Variants in ACOT12 observed in about 807,000 individuals in gnomAD.
ACOT12 encodes acetyl-coenzyme A thioesterase.
Under a neutral mutation model 67.7 loss-of-function variants are expected in ACOT12, and 51 were observed. The observed-to-expected ratio is 0.75, with a 90% confidence interval of 0.60 to 0.95. ACOT12 has a LOEUF of 0.95. Ranked by LOEUF, ACOT12 falls within the 40% of genes least tolerant of loss-of-function variation. The pLI is 0.00. For synonymous variants in ACOT12, 251 were observed against 244.6 expected (o/e 1.03, Z -0.24); for missense variants, 734 against 708.1 (o/e 1.04, Z -0.41).
intron 5 of ACOT12, among the ~76,000 whole-genome samples, chr5:81,358,357 G>T (rs75866137): frequency 6.6e-6 from 1 of 152,118 alleles, no homozygotes. Context: ...GAGACAGCAG[G>T]GTTTTGTTTT....
At chr5:81,338,495 C>T (rs1271755122) in intron 11 of ACOT12, among the ~76,000 whole-genome samples, 2 of 152,188 alleles carry the variant, frequency 1.3e-5, no homozygotes, top group South Asian at 2.1e-4. Context: ...CCTTCTGCCA[C>T]GATTGTAAGT....
Position 81,363,849 on chromosome 5 carries a change from A to C in ACOT12, c.299T>G (p.Ile100Ser). 6.2e-7 allele frequency: 1 copy of C among 1,612,320 alleles called. No homozygotes were observed. The highest frequency in any genetic ancestry group is 8.5e-7 in the Non-Finnish European group (1 of 1,179,372). Residue 100 changes from isoleucine (I) to serine (S), a missense_variant, in exon 4 of 15, where the codon ATT (isoleucine) becomes AGT (serine). Physicochemically the swap from Ile to Ser is moderately radical, Grantham distance 142. Coordinates refer to ENST00000307624, the MANE Select transcript of ACOT12 (RefSeq NM_130767.3). ...KVMVQDMLTGIEKLVSVAFST... is the reference protein window; with the variant it reads ...KVMVQDMLTGSEKLVSVAFST... ...GAAAGCCACACTAACAAGCTTCTCA[A>C]TGCCAGTGAGCATATCCTGTACCAT...
intron 9 of ACOT12, 24 bp from the exon 10 acceptor site, chr5:81,343,905 A>G: frequency 8.7e-6 from 14 of 1,602,506 alleles, no homozygotes; most frequent in Non-Finnish European, 1.2e-5. Flanking sequence ...TTAAAGTGTT[A>G]AATGACAGTT....
chr5:81,382,532 C>T (rs1435949635), intron 2 of ACOT12, among the ~76,000 whole-genome samples: 1 of 152,172 alleles, frequency 6.6e-6, no homozygotes, highest in African/African-American at 2.4e-5. Flanking sequence ...CGCAGTGGCT[C>T]ATGCCTGTAA....
In ACOT12 at chr5:81,346,127, T is replaced by C; in HGVS notation, c.654-123A>G. Reference sequence around the variant, plus strand: ...TTGACTGAAATAAATAACTGGATTATGTGGGTTGAGGGTAGGTCTGCACGC... The same window carrying C: ...TTGACTGAAATAAATAACTGGATTACGTGGGTTGAGGGTAGGTCTGCACGC... On this transcript the variant is annotated intron_variant, in intron 6 of 14. Transcript: ENST00000307624. 3 of 1,442,974 alleles carry C rather than the reference T, an allele frequency of 2.1e-6. No homozygotes were observed. The South Asian group carries it at 4.1e-5, about 20-fold the overall frequency. The allele number at this position is 1,442,974 out of a possible 1,614,324, so 89.4% of individuals were successfully genotyped here.
rs370155391 is a variant in ACOT12, at chr5:81,371,762, G to A, written c.246C>T (p.Ser82=). The A allele has an allele frequency of 7.4e-5, 120 of 1,614,114 alleles. No homozygotes were observed. The African/African-American group carries it at 1.0e-3, about 14-fold the overall frequency. ...TIKAKVTRAF[S]TSMEISIKVM... Reference sequence around the variant, plus strand: ...AGGTGCCTCTTACCTCCATGCTTGTGCTGAATGCTCTAGTAACTTTTGCTT... The same window carrying A: ...AGGTGCCTCTTACCTCCATGCTTGTACTGAATGCTCTAGTAACTTTTGCTT... Residue 82 remains serine (S), a synonymous_variant, in exon 3 of 15, where the codon AGC becomes AGT. Transcript: ENST00000307624.
chr5:81,393,836 G>A (rs924492034), intron 1 of ACOT12, 152 bp downstream of exon 1: 11 of 805,576 alleles, frequency 1.4e-5, no homozygotes, highest in Non-Finnish European at 1.8e-5. Flanking sequence ...TGCCCAGCGC[G>A]GGCGCACTGT....
chr5:81,364,962 A>G (rs1243905605), intron 3 of ACOT12, among the ~76,000 whole-genome samples: 2 of 152,050 alleles, frequency 1.3e-5, no homozygotes, highest in Non-Finnish European at 2.9e-5. Context: ...TGCATCATGT[A>G]TTTACAGCTT....
At chr5:81,345,177 G>T in intron 7 of ACOT12, 136 bp from the exon 8 acceptor site, 2 of 1,197,736 alleles carry the variant, frequency 1.7e-6, no homozygotes, top group South Asian at 1.6e-5. Context: ...GGGTTTTCTT[G>T]TTTGTTATCA....
chr5:81,331,552 C>T (rs1758829109), intron 13 of ACOT12, among the ~76,000 whole-genome samples: 1 of 152,086 alleles, frequency 6.6e-6, no homozygotes, highest in Non-Finnish European at 1.5e-5. Flanking sequence ...AAAAACAATA[C>T]CCATTGTTGT....
chr5:81,329,688 C>T (rs531298515), downstream of ACOT12, among the ~76,000 whole-genome samples: 3 of 152,236 alleles, frequency 2.0e-5, no homozygotes, highest in South Asian at 2.1e-4. Context: ...TTGAAGTCTA[C>T]GGAATAAAGT....
chr5:81,353,367 C>T (rs997324534), intron 5 of ACOT12, among the ~76,000 whole-genome samples: 7 of 152,206 alleles, frequency 4.6e-5, no homozygotes, highest in African/African-American at 1.7e-4. Flanking sequence ...GTAAACAGAA[C>T]TCACCCTTTC....
chr5:81,362,163 C>CTT (rs529301882), intron 4 of ACOT12, among the ~76,000 whole-genome samples: 4 of 131,638 alleles, frequency 3.0e-5, no homozygotes, highest in African/African-American at 5.8e-5. Flanking sequence ...CTATTATATT[C>CTT]TTTTTTTTTT....
At chr5:81,355,936 T>A (rs1172653436) in intron 5 of ACOT12, among the ~76,000 whole-genome samples, 1 of 152,200 alleles carries the variant, frequency 6.6e-6, no homozygotes, top group Non-Finnish European at 1.5e-5. Flanking sequence ...GGCTCTGAAC[T>A]AGCCAAGCTG....
intron 2 of ACOT12, among the ~76,000 whole-genome samples, chr5:81,373,847 G>GA (rs1350254498): frequency 6.6e-6 from 1 of 152,086 alleles, no homozygotes; most frequent in African/African-American, 2.4e-5. Context: ...GGGCATCTCT[G>GA]AAAAAAAGGC....
At chr5:81,385,541 C>G (rs1218398160) in intron 2 of ACOT12, among the ~76,000 whole-genome samples, 1 of 152,146 alleles carries the variant, frequency 6.6e-6, no homozygotes, top group Non-Finnish European at 1.5e-5. Context: ...AGCTATTTCT[C>G]CACAAAATTG....
intron 3 of ACOT12, among the ~76,000 whole-genome samples, chr5:81,370,482 G>A (rs1435498303): frequency 1.3e-5 from 2 of 152,210 alleles, no homozygotes; most frequent in Admixed American, 6.5e-5. Context: ...AGACTGCGGT[G>A]GGGCAGGCCC....
the ACOT12 span, among the ~76,000 whole-genome samples, chr5:81,309,814 T>C: frequency 6.6e-6 from 1 of 152,198 alleles, no homozygotes; most frequent in Non-Finnish European, 1.5e-5. Context: ...GATTCTAAGA[T>C]GCACAGTTTT....
At chr5:81,347,328 C>T (rs1445948914) in intron 6 of ACOT12, among the ~76,000 whole-genome samples, 1 of 152,128 alleles carries the variant, frequency 6.6e-6, no homozygotes, top group African/African-American at 2.4e-5. Context: ...CCAAGCTGGT[C>T]TTGAACTCCT....
Sources: gnomAD v4.1 joint callset for allele counts (sites outside exome capture counted in the v4.1 genomes callset) on GRCh38, gnomAD v4.1.1 for gene constraint, MANE v1.5 for transcripts, NCBI Gene and HGNC (gene_info 2026-07-23, HGNC 2026-07-21) for gene names.